Variants in DSCAM observed in about 807,000 individuals in gnomAD.
DSCAM encodes DS cell adhesion molecule.
In DSCAM, 47 loss-of-function variants were observed where a neutral mutation model predicts 217.7. The ratio of observed to expected loss-of-function variants is 0.22; its 90% CI spans 0.17 to 0.28. The LOEUF is 0.28. DSCAM is among the 10% of genes least tolerant of loss of function. The probability of loss-of-function intolerance (pLI) is 1.00; values close to 1 mark genes in which losing one functional copy is unlikely to be tolerated. For missense variants in DSCAM, 2,080 were observed against 2,618.3 expected (o/e 0.79, Z 4.49); for synonymous variants, 1,056 against 1,015.3 (o/e 1.04, Z -0.76).
rs550450749 is a variant in DSCAM at position 40,423,486 on chromosome 21, G to C, written c.509-54241C>G. Among the ~76,000 whole-genome samples the C allele has an allele frequency of 1.3e-4, 20 of 152,332 alleles. 1 individual carries two copies. The South Asian group carries it at 4.1e-3, about 32-fold the overall frequency. On this transcript the variant is annotated intron_variant, in intron 3 of 32. Transcript: ENST00000400454. ...GTCCTAAGCGAAGAGTCATGGGAAA[G>C]GGGTGCAAGACACCTGAAGTGGGCC...
intron 20 of DSCAM, among the ~76,000 whole-genome samples, chr21:40,106,101 C>T (rs1011942399): frequency 9.9e-5 from 15 of 152,052 alleles, no homozygotes; most frequent in Non-Finnish European, 1.3e-4. Context: ...TGGCAGAAGG[C>T]GAAGGAGGAG....
At chr21:40,842,795 A>C (rs1273716906) in intron 1 of DSCAM, among the ~76,000 whole-genome samples, 1 of 152,154 alleles carries the variant, frequency 6.6e-6, no homozygotes, top group Non-Finnish European at 1.5e-5. Flanking sequence ...CCCGTGACTC[A>C]CTGATCCCCC....
At chr21:40,183,289 T>C (rs2090857798) in intron 14 of DSCAM, among the ~76,000 whole-genome samples, 1 of 152,170 alleles carries the variant, frequency 6.6e-6, no homozygotes, top group South Asian at 2.1e-4. Flanking sequence ...AAAGGTGGCC[T>C]TGGGTCCTTG....
intron 3 of DSCAM, among the ~76,000 whole-genome samples, chr21:40,545,213 A>G (rs2076572301): frequency 6.6e-6 from 1 of 152,218 alleles, no homozygotes; most frequent in Non-Finnish European, 1.5e-5. Context: ...CAGACACAGC[A>G]TCTACTGGTG....
chr21:40,550,187 C>T (rs139865166), intron 3 of DSCAM, among the ~76,000 whole-genome samples: 61 of 152,232 alleles, frequency 4.0e-4, no homozygotes, highest in African/African-American at 1.4e-3. Context: ...TTCTCTGGGC[C>T]GTCCTGCCTC....
intron 10 of DSCAM, among the ~76,000 whole-genome samples, chr21:40,286,025 G>A (rs1349675805): frequency 6.6e-6 from 1 of 152,132 alleles, no homozygotes; most frequent in Non-Finnish European, 1.5e-5. Context: ...AAACAACACA[G>A]AGCAAGACAA....
chr21:40,035,123 C>G (rs1318031918), intron 32 of DSCAM, among the ~76,000 whole-genome samples: 1 of 51,864 alleles, frequency 1.9e-5, no homozygotes, highest in African/African-American at 8.8e-5. Flanking sequence ...GCAAAATAAC[C>G]AGCTAACATC....
intron 32 of DSCAM, among the ~76,000 whole-genome samples, chr21:40,021,065 T>G (rs1601233803): frequency 2.1e-4 from 26 of 126,798 alleles, no homozygotes; most frequent in South Asian, 1.0e-3. Flanking sequence ...GCTGGGGGGG[T>G]GTGAGGGAGG....
chr21:40,445,247 T>C (rs2075665033), intron 3 of DSCAM, among the ~76,000 whole-genome samples: 1 of 152,196 alleles, frequency 6.6e-6, no homozygotes, highest in Admixed American at 6.5e-5. Context: ...AACATATGAA[T>C]TCTGGGGTGA....
rs542123936 is a variant in DSCAM at position 40,818,028 on chromosome 21, G to A, written c.43+28591C>T. On this transcript the variant is annotated intron_variant, in intron 1 of 32. Transcript: ENST00000400454. ...GGAGAATGGCGTGAACCCGGGAGGC[G>A]GAGCTTGCAGTGAGCCGAGATTGCG... Among the ~76,000 whole-genome samples the A allele has an allele frequency of 2.7e-5, 4 of 148,710 alleles. No homozygotes were observed. The South Asian group carries it at 6.5e-4, about 24-fold the overall frequency.
chr21:40,343,683 G>A (rs1258803273), intron 6 of DSCAM, among the ~76,000 whole-genome samples: 1 of 151,948 alleles, frequency 6.6e-6, no homozygotes. Context: ...ATCAATGTGT[G>A]TGTATATGTT....
intron 3 of DSCAM, among the ~76,000 whole-genome samples, chr21:40,453,310 A>ACAGT (rs1317165827): frequency 6.6e-6 from 1 of 152,156 alleles, no homozygotes; most frequent in Non-Finnish European, 1.5e-5. Context: ...AAAGCAATGC[A>ACAGT]CAGTCCTGTC....
chr21:40,803,461 T>C (rs1318016317), intron 1 of DSCAM, among the ~76,000 whole-genome samples: 1 of 152,054 alleles, frequency 6.6e-6, no homozygotes, highest in African/African-American at 2.4e-5. Flanking sequence ...CACAAAATGT[T>C]CATGAAAGTG....
chr21:40,450,244 C>G (rs2075707771), intron 3 of DSCAM, among the ~76,000 whole-genome samples: 1 of 152,160 alleles, frequency 6.6e-6, no homozygotes. Flanking sequence ...TTCCTGCTTG[C>G]TTTGATACTG....
chr21:40,809,948 A>C (rs1049387714), intron 1 of DSCAM, among the ~76,000 whole-genome samples: 2 of 152,190 alleles, frequency 1.3e-5, no homozygotes, highest in Non-Finnish European at 2.9e-5. Context: ...TCAGGAGAAA[A>C]ATATTAGCAG....
At chr21:40,765,261 C>G (rs2091376440) in intron 1 of DSCAM, among the ~76,000 whole-genome samples, 1 of 152,188 alleles carries the variant, frequency 6.6e-6, no homozygotes, top group Non-Finnish European at 1.5e-5. Context: ...GCTCCTTCTT[C>G]CATGCCCAAT....
chr21:40,179,778 C>T (rs2090778904), intron 14 of DSCAM, among the ~76,000 whole-genome samples: 1 of 152,220 alleles, frequency 6.6e-6, no homozygotes, highest in Non-Finnish European at 1.5e-5. Context: ...GAAATGTTAT[C>T]ACTGAATCTG....
At chr21:40,565,589 T>C (rs552980796) in intron 3 of DSCAM, among the ~76,000 whole-genome samples, 2 of 152,306 alleles carry the variant, frequency 1.3e-5, no homozygotes, top group African/African-American at 2.4e-5. Flanking sequence ...ACCTTCTAAA[T>C]AGCTTCTGAA....
chr21:40,050,623 C>T (rs2146494751), intron 30 of DSCAM, among the ~76,000 whole-genome samples: 1 of 152,214 alleles, frequency 6.6e-6, no homozygotes, highest in African/African-American at 2.4e-5. Flanking sequence ...GCTGGGACTA[C>T]AGGTGCCCGC....
Sources: gnomAD v4.1 joint callset for allele counts (sites outside exome capture counted in the v4.1 genomes callset) on GRCh38, gnomAD v4.1.1 for gene constraint, MANE v1.5 for transcripts, NCBI Gene and HGNC (gene_info 2026-07-23, HGNC 2026-07-21) for gene names.